Variants in KIAA1217 observed in about 807,000 individuals in gnomAD.
KIAA1217 encodes sickle tail protein homolog.
KIAA1217 carries 88 observed loss-of-function variants against 163.9 expected under a neutral mutation model. The ratio of observed to expected loss-of-function variants is 0.54; its 90% confidence interval spans 0.45 to 0.64. KIAA1217 has a LOEUF of 0.64. Among genes scored for constraint, KIAA1217 ranks in the 30% least tolerant of loss-of-function variants. The pLI, the probability that KIAA1217 is intolerant of heterozygous loss-of-function variation, is 0.00. For synonymous variants in KIAA1217, 903 were observed against 923.1 expected, an observed-to-expected ratio of 0.98 and a Z score of 0.39; for missense variants, 2,372 against 2,475.0, an observed-to-expected ratio of 0.96 and a Z score of 0.88.
Position 23,942,888 on chromosome 10 carries a change from A to C in KIAA1217, c.-320-64337A>C, listed in dbSNP as rs1312145871. On this transcript the variant is annotated intron_variant, in intron 1 of 18. Coordinates refer to the KIAA1217 transcript ENST00000376462. ...TTTGCAAGGCCAAGGTGAGAGCATC[A>C]CTTGAGGCCAGGAGTTCAAGATCAG... is the stretch of plus-strand genomic sequence containing the variant. 9.9e-5 allele frequency among the ~76,000 whole-genome samples: 15 copies of C among 151,704 alleles called. 4 individuals are homozygous for C. Among genetic ancestry groups the C allele is most frequent in the Admixed American group, 9.9e-4 (15 of 15,194 alleles).
At chr10:24,191,556 T>G (rs1489274476) in intron 2 of KIAA1217, among the ~76,000 whole-genome samples, 1 of 151,750 alleles carries the variant, frequency 6.6e-6, no homozygotes, top group Non-Finnish European at 1.5e-5. Flanking sequence ...CCCACAAATA[T>G]ATATATATAT....
At chr10:24,112,734 G>A (rs374507366) in intron 2 of KIAA1217, among the ~76,000 whole-genome samples, 2 of 151,858 alleles carry the variant, frequency 1.3e-5, no homozygotes, top group South Asian at 2.1e-4. Context: ...ACAGGCGCTC[G>A]CCCCCATGCC....
At chr10:24,461,377 CAG>C (rs1241275810) in intron 5 of KIAA1217, among the ~76,000 whole-genome samples, 1 of 151,984 alleles carries the variant, frequency 6.6e-6, no homozygotes, top group Non-Finnish European at 1.5e-5. Context: ...GGTGGGGAGA[CAG>C]AGTCTTGCTC....
intron 2 of KIAA1217, among the ~76,000 whole-genome samples, chr10:24,076,308 T>C (rs974838677): frequency 2.0e-5 from 3 of 152,226 alleles, no homozygotes; most frequent in African/African-American, 4.8e-5. Context: ...ACTGATATTA[T>C]ACAGAGTGGA....
intron 1 of KIAA1217, among the ~76,000 whole-genome samples, chr10:23,845,946 A>G (rs932615331): frequency 2.0e-5 from 3 of 152,220 alleles, no homozygotes; most frequent in African/African-American, 4.8e-5. Context: ...AGTTTTCTGC[A>G]TATGGCTAGC....
chr10:23,695,645 G>T lies in KIAA1217; in HGVS notation c.-321+411G>T, dbSNP rs1336817939. Among the ~76,000 whole-genome samples the T allele has an allele frequency of 1.3e-5, 2 of 152,188 alleles. No individual in the cohort carries two copies. The highest frequency in any genetic ancestry group is 1.3e-4 in the Admixed American group (2 of 15,290). On this transcript the variant is annotated intron_variant, in intron 1 of 18. Transcript: ENST00000376462. The surrounding 1 kb of genome is among the most constrained non-coding windows in gnomAD (Gnocchi z 4.9). ...CTCGTTTTTCACTCGGGGCTGCGAAGAGGGCATTGCTCTTTCTGATGGCTG... is the reference window on the plus strand; with the variant it reads ...CTCGTTTTTCACTCGGGGCTGCGAATAGGGCATTGCTCTTTCTGATGGCTG...
chr10:24,167,914 G>T (rs2065432803), intron 2 of KIAA1217, among the ~76,000 whole-genome samples: 2 of 152,068 alleles, frequency 1.3e-5, no homozygotes, highest in African/African-American at 4.8e-5. Context: ...ACCTCAAGAT[G>T]GGAGCCAAAC....
chr10:23,919,176 T>C (rs1842750257), intron 1 of KIAA1217, among the ~76,000 whole-genome samples: 1 of 151,956 alleles, frequency 6.6e-6, no homozygotes, highest in African/African-American at 2.4e-5. Flanking sequence ...AATCTGAGAG[T>C]CTCTAATAAG....
chr10:24,072,585 T>C (rs540806150), intron 2 of KIAA1217, among the ~76,000 whole-genome samples: 1 of 152,280 alleles, frequency 6.6e-6, no homozygotes, highest in African/African-American at 2.4e-5. Flanking sequence ...GTGTGTTGCC[T>C]AACAAATGCG....
chr10:23,824,660 TA>T (rs1837811397), intron 1 of KIAA1217, among the ~76,000 whole-genome samples: 2 of 107,162 alleles, frequency 1.9e-5, no homozygotes, highest in African/African-American at 7.6e-5. Flanking sequence ...ATAAAAAAAA[TA>T]TATATATATA....
In KIAA1217 at chr10:24,076,065, TAGGGCCTCTG is replaced by T. The variant is rs2061360226; in HGVS notation, c.-171+68699_-171+68708del. ...TGCAAGAGGAATCACTTGGGGGGAGTAGGGCCTCTGAGGGCCTGATGAACAACCTGTGGGA... is the reference window on the plus strand; with the variant it reads ...TGCAAGAGGAATCACTTGGGGGGAGTAGGGCCTGATGAACAACCTGTGGGA... On this transcript the variant is annotated intron_variant, in intron 2 of 18. Coordinates refer to the KIAA1217 transcript ENST00000376462. Among the ~76,000 whole-genome samples, 6 of 151,830 alleles carry T rather than the reference TAGGGCCTCTG, an allele frequency of 4.0e-5. No homozygotes were observed. The South Asian group carries it at 1.3e-3, about 32-fold the overall frequency.
intron 1 of KIAA1217, among the ~76,000 whole-genome samples, chr10:23,824,097 C>T (rs1053994634): frequency 2.6e-5 from 4 of 151,798 alleles, no homozygotes; most frequent in African/African-American, 9.7e-5. Flanking sequence ...TACAGTGAAA[C>T]CCCATCTCTA....
intron 1 of KIAA1217, among the ~76,000 whole-genome samples, chr10:23,926,903 GTTTA>G (rs1843045248): frequency 6.6e-6 from 1 of 151,608 alleles, no homozygotes; most frequent in African/African-American, 2.4e-5. Context: ...TTATTTATCT[GTTTA>G]TTTATTTATT....
chr10:24,522,682 T>C (rs757336977), intron 12 of KIAA1217, among the ~76,000 whole-genome samples: 2 of 152,212 alleles, frequency 1.3e-5, no homozygotes, highest in African/African-American at 4.8e-5. Flanking sequence ...CACATATGCA[T>C]GCAAAATTTG....
chr10:24,123,965 A>G (rs2063378313), intron 2 of KIAA1217, among the ~76,000 whole-genome samples: 1 of 152,200 alleles, frequency 6.6e-6, no homozygotes. Context: ...GGGGTAATAT[A>G]TGATTTGCAA....
rs916174815 is a variant in KIAA1217 at position 24,177,732 on chromosome 10, A to G, written c.-170-41894A>G. Reference sequence around the variant, plus strand: ...TTCCCCAAGCAGTTAGACAAATTGAAGGTGGTGGGGGAGGCTAGCTTCACT... The same window carrying G: ...TTCCCCAAGCAGTTAGACAAATTGAGGGTGGTGGGGGAGGCTAGCTTCACT... On this transcript the variant is annotated intron_variant, in intron 2 of 18. Coordinates refer to the KIAA1217 transcript ENST00000376462. Among the ~76,000 whole-genome samples the G allele has an allele frequency of 2.6e-5, 4 of 152,062 alleles. No individual in the cohort carries two copies. The East Asian group carries it at 7.7e-4, about 29-fold the overall frequency.
At chr10:23,897,120 T>C (rs1392935867) in intron 1 of KIAA1217, among the ~76,000 whole-genome samples, 1 of 152,094 alleles carries the variant, frequency 6.6e-6, no homozygotes, top group Non-Finnish European at 1.5e-5. Context: ...TATCAAGATA[T>C]ATTTTAAGCA....
chr10:24,146,682 CAAAAAGAAAAA>C (rs2064330488), intron 2 of KIAA1217, among the ~76,000 whole-genome samples: 1 of 149,252 alleles, frequency 6.7e-6, no homozygotes. Flanking sequence ...GACCCTGTCT[CAAAAAGAAAAA>C]AAAAAGAAAA....
At chr10:23,775,383 T>C (rs146957373) in intron 1 of KIAA1217, among the ~76,000 whole-genome samples, 18 of 152,258 alleles carry the variant, frequency 1.2e-4, no homozygotes, top group African/African-American at 4.3e-4. Context: ...AAACTAAGGA[T>C]GGCAATACTA....
Sources: gnomAD v4.1 joint callset for allele counts (sites outside exome capture counted in the v4.1 genomes callset) on GRCh38, gnomAD v4.1.1 for gene constraint, Gnocchi (gnomAD v3.1) non-coding constraint, MANE v1.5 for transcripts, NCBI Gene and HGNC (gene_info 2026-07-23, HGNC 2026-07-21) for gene names.